The following SAP130 variants were observed in gnomAD, a reference collection of about 807,000 sequenced individuals.
SAP130 encodes the protein histone deacetylase complex subunit SAP130.
A neutral mutation model predicts 103.2 loss-of-function variants in SAP130; 16 were observed. That is an observed-to-expected ratio of 0.16 (90% CI 0.10 to 0.24). SAP130 has a LOEUF of 0.24. Ranked by LOEUF, SAP130 falls within the 10% of genes least tolerant of loss-of-function variation. SAP130 has a pLI of 1.00. For missense variants in SAP130, 990 were observed against 1,359.7 expected (o/e 0.73, Z 4.28); for synonymous variants, 477 against 497.0 (o/e 0.96, Z 0.53).
intron 7 of SAP130, among the ~76,000 whole-genome samples, chr2:128,006,683 G>T (rs1423118883): frequency 6.6e-6 from 1 of 152,204 alleles, no homozygotes; most frequent in Non-Finnish European, 1.5e-5. Flanking sequence ...GGGAGGCTGA[G>T]GTAGAAGGAT....
At chr2:127,969,548 C>A (rs529495898) in intron 15 of SAP130, among the ~76,000 whole-genome samples, 2 of 152,174 alleles carry the variant, frequency 1.3e-5, no homozygotes. Context: ...GCTACCACAA[C>A]AAATCATCAC....
intron 7 of SAP130, among the ~76,000 whole-genome samples, chr2:128,006,440 A>G (rs1573810739): frequency 6.6e-6 from 1 of 152,330 alleles, no homozygotes; most frequent in East Asian, 1.9e-4. Context: ...CAATTTCATT[A>G]TCACTGATTT....
intron 11 of SAP130, among the ~76,000 whole-genome samples, chr2:127,994,959 A>T (rs567923325): frequency 1.3e-5 from 2 of 152,350 alleles, no homozygotes; most frequent in East Asian, 3.9e-4. Flanking sequence ...TGGACATATC[A>T]ATGTATCAAA....
chr2:128,027,162 A>C lies in SAP130; in HGVS notation c.-7+778T>G, dbSNP rs1347466861. The stretch of plus-strand genomic sequence containing the variant: ...GGCCTGGGGGTGCCGCGGAGGGCCC[A>C]TCTCGGCGGCGGCGATGTGCTCGGC... On this transcript the variant is annotated intron_variant, in intron 1 of 20. Transcript: ENST00000643581. The C allele has an allele frequency of 4.6e-6, 6 of 1,295,302 alleles. No individual in the cohort carries two copies. In the Admixed American group the frequency reaches 2.2e-4, roughly 47 times the overall value. 80.2% of individuals were successfully genotyped at this position (1,295,302 alleles called of 1,614,324 possible).
chr2:127,946,860 G>A (rs1159765075), intron 18 of SAP130, among the ~76,000 whole-genome samples: 1 of 150,318 alleles, frequency 6.7e-6, no homozygotes, highest in Admixed American at 6.7e-5. Flanking sequence ...CTGCAGCCTG[G>A]GGGACAGAGC....
chr2:128,026,149 G>A, intron 2 of SAP130, 32 bp downstream of exon 2: 4 of 1,410,468 alleles, frequency 2.8e-6, no homozygotes, highest in Non-Finnish European at 3.9e-6. Flanking sequence ...CTTAAAGTAG[G>A]AAAAAATATA....
intron 15 of SAP130, among the ~76,000 whole-genome samples, chr2:127,960,983 T>C (rs1021609276): frequency 1.3e-5 from 2 of 151,744 alleles, no homozygotes; most frequent in Non-Finnish European, 2.9e-5. Context: ...TGTTTTTTCT[T>C]TCTTTCTTTC....
chr2:127,958,654 G>T (rs1355985996), intron 15 of SAP130, among the ~76,000 whole-genome samples: 1 of 138,614 alleles, frequency 7.2e-6, no homozygotes. Context: ...GAGAGAGAGA[G>T]AGAGAGAGAG....
intron 18 of SAP130, among the ~76,000 whole-genome samples, chr2:127,947,216 C>G (rs1376135660): frequency 1.3e-5 from 2 of 152,060 alleles, no homozygotes; most frequent in African/African-American, 4.8e-5. Context: ...ATGATCCTAT[C>G]AGACCTTTAT....
rs191186728 is a variant in SAP130, at chr2:127,987,665, A to G, written c.1781-703T>C. Among the ~76,000 whole-genome samples, 51 of 152,272 alleles carry G rather than the reference A, an allele frequency of 3.3e-4. 1 individual carries two copies. In the South Asian group the frequency reaches 6.4e-3, roughly 19 times the overall value. On this transcript the variant is annotated intron_variant, in intron 13 of 20. Coordinates refer to ENST00000643581, the MANE Select transcript of SAP130 (RefSeq NM_001330301.2). The stretch of plus-strand genomic sequence containing the variant: ...AGAGATAAGAAAACTGACAGACAAG[A>G]AAGGCTTAATACAAGAGCCACAAAT...
At chr2:127,944,617 A>G (rs1420988626) in intron 19 of SAP130, among the ~76,000 whole-genome samples, 2 of 152,032 alleles carry the variant, frequency 1.3e-5, no homozygotes, top group Non-Finnish European at 2.9e-5. Flanking sequence ...TTTAGTAGAG[A>G]CAGGGGTTTC....
chr2:128,017,730 C>T lies in SAP130; in HGVS notation c.298G>A (p.Ala100Thr), dbSNP rs866347461. The T allele has an allele frequency of 6.2e-7, 1 of 1,614,216 alleles. No individual in the cohort carries two copies. The highest frequency in any genetic ancestry group is 1.1e-5 in the South Asian group (1 of 91,090). Residue 100 changes from alanine (A) to threonine (T), a missense_variant, in exon 3 of 21, where the codon GCA (alanine) becomes ACA (threonine). Ala to Thr is a moderately conservative substitution (Grantham distance 58). Transcript: ENST00000643581. The part of the protein sequence containing the change: ...ATPVAVTAPP[A>T]HLTPAVPLSF... ...AGTGGCACTGCTGGCGTCAGGTGTG[C>T]TGGCGGGGCTGTCACTGCAACAGGT...
At chr2:128,021,901 T>C (rs1222500721) in intron 2 of SAP130, among the ~76,000 whole-genome samples, 1 of 152,242 alleles carries the variant, frequency 6.6e-6, no homozygotes, top group Non-Finnish European at 1.5e-5. Context: ...AGCCCATTCA[T>C]ATATATCTTC....
Position 127,941,879 on chromosome 2 carries a change from T to C in SAP130, c.*127A>G. On this transcript the variant is annotated 3_prime_UTR_variant, in exon 21 of 21. Transcript: ENST00000643581. ...CCTTGGATGTCATGGGTTCCTCTGC[T>C]TTCACACGGGAACTAAGGAACACTT... 1 of 876,214 alleles carries C rather than the reference T, an allele frequency of 1.1e-6. No individual in the cohort carries two copies. The highest frequency in any genetic ancestry group is 1.8e-6 in the Non-Finnish European group (1 of 558,812). The allele number at this position is 876,214 out of a possible 1,614,324, so 54.3% of individuals were successfully genotyped here.
Position 127,989,604 on chromosome 2 carries a change from A to G in SAP130, c.1740T>C (p.Pro580=). The change falls in exon 13 of 21, where the codon CCT becomes CCC. Residue 580 remains proline, a synonymous_variant. Transcript: ENST00000643581. This position sits in a 1 kb window ranked among gnomAD's most constrained non-coding sequence, Gnocchi z 4.6. ...PINTQGLQPA[P]MGTQQPQPEG... ...CAGGCTGAGGCTGCTGAGTACCCAT[A>G]GGTGCAGGCTGAAGCCCTTGTGTGT... 1.9e-6 allele frequency: 3 copies of G among 1,614,134 alleles called. No individual in the cohort carries two copies. Among genetic ancestry groups the G allele is most frequent in the Non-Finnish European group, 2.5e-6 (3 of 1,180,002 alleles).
intron 7 of SAP130, among the ~76,000 whole-genome samples, chr2:128,005,903 T>C (rs1683938187): frequency 6.6e-6 from 1 of 152,090 alleles, no homozygotes; most frequent in Non-Finnish European, 1.5e-5. Context: ...GTGCTGGGAT[T>C]AGAGGCATGA....
At chr2:128,015,105 T>C (rs1420568992) in intron 4 of SAP130, among the ~76,000 whole-genome samples, 191 bp from the exon 5 acceptor site, 1 of 152,214 alleles carries the variant, frequency 6.6e-6, no homozygotes, top group East Asian at 1.9e-4. Flanking sequence ...CTAACAGGCA[T>C]GTGAGAAGTA....
In SAP130 at chr2:128,017,872, C is replaced by T. The variant is rs752368272; in HGVS notation, c.156G>A (p.Glu52=). 12 of 1,614,216 alleles carry T rather than the reference C, an allele frequency of 7.4e-6. No individual in the cohort carries two copies. Among genetic ancestry groups the T allele is most frequent in the Non-Finnish European group, 7.6e-6 (9 of 1,180,034 alleles). The change falls in exon 3 of 21, where the codon GAG becomes GAA. Residue 52 remains glutamate, a synonymous_variant. Coordinates refer to ENST00000643581, the MANE Select transcript of SAP130 (RefSeq NM_001330301.2). ...SGRDSEVSAR[E]HMSSSSSLQS... ...GGAGGGAGCTGCTGGAACTCATGTG[C>T]TCCCTGGCACTGACTTCAGAATCTC...
At chr2:128,019,055 C>T (rs571149168) in intron 2 of SAP130, among the ~76,000 whole-genome samples, 12 of 150,258 alleles carry the variant, frequency 8.0e-5, no homozygotes, top group Admixed American at 2.7e-4. Context: ...GCTGAGATTG[C>T]GCCACTGCAC....
Sources: gnomAD v4.1 joint callset for allele counts (sites outside exome capture counted in the v4.1 genomes callset) on GRCh38, gnomAD v4.1.1 for gene constraint, Gnocchi (gnomAD v3.1) non-coding constraint, MANE v1.5 for transcripts, NCBI Gene and HGNC (gene_info 2026-07-23, HGNC 2026-07-21) for gene names.